HIVEP3: variants seen among roughly 807,000 people sequenced by gnomAD.
HIVEP3 encodes transcription factor HIVEP3.
HIVEP3 carries 49 observed loss-of-function variants against 152.8 expected under a neutral mutation model. That is an observed-to-expected ratio of 0.32 (90% confidence interval 0.26 to 0.41). HIVEP3 has a LOEUF of 0.41. HIVEP3 is among the 10% of genes least tolerant of loss of function. The pLI is 1.00. For missense variants in HIVEP3, 2,790 were observed against 3,103.3 expected, an observed-to-expected ratio of 0.90 and a Z score of 2.40; for synonymous variants, 1,269 against 1,289.0, an observed-to-expected ratio of 0.98 and a Z score of 0.33.
At position 41,918,889 on chromosome 1, in the gene HIVEP3, G is replaced by GC. The variant is rs550939924; in HGVS notation, c.-1278dup. Among the ~76,000 whole-genome samples, 1 of 152,268 alleles carries GC rather than the reference G, an allele frequency of 6.6e-6. No homozygotes were observed. Among genetic ancestry groups the GC allele is most frequent in the East Asian group, 1.9e-4 (1 of 5,180 alleles). ...TTTTCTGAATCCAGAGCCAACCCAT[G>GC]CCTCGCTTGTCTTTTCCACTAGGAG... On this transcript the variant is annotated 5_prime_UTR_variant, in exon 1 of 9. Transcript: ENST00000372583. The surrounding 1 kb of genome is among the most constrained non-coding windows in gnomAD (Gnocchi z 4.3).
chr1:41,879,456 T>A (rs75624984), intron 1 of HIVEP3, among the ~76,000 whole-genome samples: 1 of 152,246 alleles, frequency 6.6e-6, no homozygotes, highest in African/African-American at 2.4e-5. Flanking sequence ...TGGTTTTGAA[T>A]GACCTTCTCT....
intron 5 of HIVEP3, among the ~76,000 whole-genome samples, chr1:41,529,416 CTCACACACACCCTCACACATGCT>C (rs1643160555): frequency 6.9e-6 from 1 of 145,230 alleles, no homozygotes; most frequent in South Asian, 2.3e-4. Context: ...ACCCCACACC[CTCACACACACCCTCACACATGCT>C]CACACCCCAC....
chr1:41,548,018 A>G (rs1209099250), intron 5 of HIVEP3, among the ~76,000 whole-genome samples: 1 of 152,092 alleles, frequency 6.6e-6, no homozygotes, highest in African/African-American at 2.4e-5. Flanking sequence ...CAGATGGAAC[A>G]ATCCTCCCTC....
chr1:42,017,195 A>G (rs1460049604), intron 1 of HIVEP3, among the ~76,000 whole-genome samples: 3 of 152,292 alleles, frequency 2.0e-5, no homozygotes, highest in African/African-American at 7.2e-5. Flanking sequence ...AGATTATAAA[A>G]AAAAAGTTCA....
intron 1 of HIVEP3, among the ~76,000 whole-genome samples, chr1:41,736,929 T>C (rs1288632796): frequency 3.3e-5 from 5 of 152,166 alleles, no homozygotes; most frequent in Non-Finnish European, 1.5e-5. Flanking sequence ...CAGGGCACTA[T>C]AGTCACTCCA....
chr1:41,692,999 T>C (rs573899927), intron 2 of HIVEP3, among the ~76,000 whole-genome samples: 17 of 152,350 alleles, frequency 1.1e-4, no homozygotes, highest in African/African-American at 3.8e-4. Flanking sequence ...ATAAGTGTTA[T>C]CTCATTTAAG....
intron 1 of HIVEP3, among the ~76,000 whole-genome samples, chr1:41,842,542 C>T (rs546344877): frequency 2.6e-5 from 4 of 152,258 alleles, no homozygotes; most frequent in Non-Finnish European, 5.9e-5. Flanking sequence ...GGGCTTTATC[C>T]ATGCCAATCA....
intron 1 of HIVEP3, among the ~76,000 whole-genome samples, chr1:41,788,635 T>C (rs1378288262): frequency 6.6e-6 from 1 of 152,274 alleles, no homozygotes; most frequent in Non-Finnish European, 1.5e-5. Flanking sequence ...TCCTGGGACA[T>C]GGTCCAGGTA....
chr1:41,930,803 T>C (rs992721021), intron 1 of HIVEP3, among the ~76,000 whole-genome samples: 5 of 152,186 alleles, frequency 3.3e-5, no homozygotes, highest in Admixed American at 6.5e-5. Context: ...TTGTTTTTTC[T>C]TAACTGTAGC....
intron 2 of HIVEP3, among the ~76,000 whole-genome samples, chr1:41,678,859 A>G (rs1443037613): frequency 6.6e-6 from 1 of 152,216 alleles, no homozygotes; most frequent in Non-Finnish European, 1.5e-5. Flanking sequence ...CCTTAAGCAC[A>G]CTTTCAAGCC....
At chr1:41,684,676 A>G (rs529435406) in intron 2 of HIVEP3, among the ~76,000 whole-genome samples, 1 of 152,388 alleles carries the variant, frequency 6.6e-6, no homozygotes, top group East Asian at 1.9e-4. Context: ...AAATGAGATT[A>G]CATGCAACAG....
upstream of HIVEP3, among the ~76,000 whole-genome samples, chr1:41,923,029 TAAA>T (rs1644949580): frequency 6.6e-6 from 1 of 151,820 alleles, no homozygotes; most frequent in Non-Finnish European, 1.5e-5. Context: ...CAAAGAATAA[TAAA>T]GGAGGACAAT....
intron 1 of HIVEP3, among the ~76,000 whole-genome samples, chr1:41,888,136 C>T (rs1268389915): frequency 8.6e-5 from 13 of 150,456 alleles, no homozygotes; most frequent in South Asian, 2.1e-4. Flanking sequence ...CCTGGGTTCA[C>T]GCCATTCTCC....
intron 5 of HIVEP3, among the ~76,000 whole-genome samples, chr1:41,552,199 A>T (rs1227373655): frequency 2.0e-5 from 3 of 152,124 alleles, no homozygotes; most frequent in Non-Finnish European, 4.4e-5. Flanking sequence ...GTTTTGAATG[A>T]GTTTATTTAT....
chr1:41,510,731 G>T lies in HIVEP3; in HGVS notation c.6941C>A (p.Thr2314Asn). The change falls in exon 9 of 9, where the codon ACC becomes AAC. Residue 2314 changes from threonine (T) to asparagine (N), a missense_variant. Coordinates refer to ENST00000372583, the MANE Select transcript of HIVEP3 (RefSeq NM_024503.5). Reference sequence around the variant, plus strand: ...GCGTCCCTGGGGCGGCCGGGGCAAGGTGTCGGGTGGGGTGCAGGGGCTGTG... The same window carrying T: ...GCGTCCCTGGGGCGGCCGGGGCAAGTTGTCGGGTGGGGTGCAGGGGCTGTG... Reference protein sequence around the residue: ...PTHSPCTPPDTLPRPPQGRRA... With the variant: ...PTHSPCTPPDNLPRPPQGRRA... The T allele has an allele frequency of 6.4e-7, 1 of 1,553,570 alleles. No individual in the cohort carries two copies. Among genetic ancestry groups the T allele is most frequent in the Non-Finnish European group, 8.7e-7 (1 of 1,149,462 alleles).
intron 2 of HIVEP3, among the ~76,000 whole-genome samples, chr1:41,633,132 C>G (rs1260089187): frequency 6.6e-6 from 1 of 152,110 alleles, no homozygotes; most frequent in African/African-American, 2.4e-5. Context: ...GTGTCCAGGT[C>G]ACCAGAAAAG....
Position 41,582,834 on chromosome 1 carries a change from C to T in HIVEP3, c.1964G>A (p.Arg655Lys), listed in dbSNP as rs931713397. 3 of 1,614,050 alleles carry T rather than the reference C, an allele frequency of 1.9e-6. No individual in the cohort carries two copies. Among genetic ancestry groups the T allele is most frequent in the Non-Finnish European group, 8.5e-7 (1 of 1,180,018 alleles). Residue 655 changes from arginine to lysine, a missense_variant, in exon 4 of 9, where the codon AGG becomes AAG. Transcript: ENST00000372583. The surrounding 1 kb of genome is among the most constrained non-coding windows in gnomAD (Gnocchi z 4.7). Reference sequence around the variant, plus strand: ...TTTTTTGTGGGCTTCGTAGTTATCCCTTTTCTTGTACCGAGCACCACATAT... The same window carrying T: ...TTTTTTGTGGGCTTCGTAGTTATCCTTTTTCTTGTACCGAGCACCACATAT... ...CNICGARYKK[R>K]DNYEAHKKYY...
In HIVEP3 at chr1:41,507,039, C is replaced by T. The variant is rs938601451; in HGVS notation, c.*3412G>A. On this transcript the variant is annotated 3_prime_UTR_variant, in exon 9 of 9. Coordinates refer to ENST00000372583, the MANE Select transcript of HIVEP3 (RefSeq NM_024503.5). ...AACAGGCTTTCGGGAACTTTCTTCC[C>T]CTGGTCACACGGCAGATCGGTCCCC... 6.6e-6 allele frequency: 1 copy of T among 152,046 alleles called. No individual in the cohort carries two copies. The highest frequency in any genetic ancestry group is 1.5e-5 in the Non-Finnish European group (1 of 68,026). 9.4% of individuals were successfully genotyped at this position (152,046 alleles called of 1,614,324 possible). A position where few individuals can be genotyped will look rare whatever the true frequency, so the allele number is the denominator to read the frequency against.
chr1:41,544,446 T>G (rs1384620407), intron 5 of HIVEP3: 1 of 151,878 alleles, frequency 6.6e-6, no homozygotes, highest in African/African-American at 2.4e-5. Context: ...TTAAACACCC[T>G]CTGGCTCTCA....
Sources: allele counts gnomAD v4.1 joint callset (sites outside exome capture counted in the v4.1 genomes callset), GRCh38; gene constraint gnomAD v4.1.1; non-coding constraint Gnocchi (gnomAD v3.1); transcripts MANE v1.5; gene names NCBI Gene and HGNC (gene_info 2026-07-23, HGNC 2026-07-21).